AKNA: variants seen among roughly 807,000 people sequenced by gnomAD.
AKNA encodes AT-hook transcription factor.
AKNA carries 67 observed loss-of-function variants against 138.8 expected under a neutral mutation model. The ratio of observed to expected loss-of-function variants is 0.48; its 90% CI spans 0.40 to 0.59. The LOEUF is 0.59. Ranked by LOEUF, AKNA falls within the 20% of genes least tolerant of loss-of-function variation. The pLI is 0.00. For missense variants in AKNA, 1,813 were observed against 1,880.4 expected (o/e 0.96, Z 0.66); for synonymous variants, 737 against 754.4 (o/e 0.98, Z 0.38).
In AKNA at chr9:114,335,308, T is replaced by C. The variant is rs1829944145; in HGVS notation, c.*1746A>G. 1 of 152,256 alleles carries C rather than the reference T, an allele frequency of 6.6e-6. No individual in the cohort carries two copies. Among genetic ancestry groups the C allele is most frequent in the South Asian group, 2.1e-4 (1 of 4,832 alleles). The allele number at this position is 152,256 out of a possible 1,614,324, so 9.4% of individuals were successfully genotyped here. A position where few individuals can be genotyped will look rare whatever the true frequency, so the allele number is the denominator to read the frequency against. On this transcript the variant is annotated 3_prime_UTR_variant, in exon 22 of 22. Transcript: ENST00000374088. ...AATCCAGGTTCTCTCCCAAACCAGT[T>C]TGGGCAGATGGCCCATTGGAACCCC...
chr9:114,354,665 A>G (rs1057122829), intron 14 of AKNA, among the ~76,000 whole-genome samples: 1 of 146,706 alleles, frequency 6.8e-6, no homozygotes, highest in African/African-American at 2.5e-5. Context: ...GTGAGCCGAG[A>G]TTGTGCCACT....
intron 7 of AKNA, among the ~76,000 whole-genome samples, chr9:114,363,690 T>C (rs898654306): frequency 1.3e-5 from 2 of 152,186 alleles, no homozygotes; most frequent in Non-Finnish European, 2.9e-5. Context: ...GTCTACCTGC[T>C]GGCTTCTGGT....
chr9:114,369,117 CAAACT>C (rs1463591944), intron 4 of AKNA, among the ~76,000 whole-genome samples: 1 of 152,064 alleles, frequency 6.6e-6, no homozygotes, highest in Admixed American at 6.6e-5. Flanking sequence ...AGCAAGTAAA[CAAACT>C]AATCTGCCAT....
At chr9:114,331,618 C>T (rs774663595), downstream of AKNA, 6 of 1,613,932 alleles carry the variant, frequency 3.7e-6, 1 homozygote, top group African/African-American at 6.7e-5. Flanking sequence ...GACACCAAGA[C>T]CTTGATGTTT....
At position 114,335,384 on chromosome 9, in the gene AKNA, A is replaced by C. The variant is rs1167190137; in HGVS notation, c.*1670T>G. 6.6e-6 allele frequency: 1 copy of C among 152,308 alleles called. No homozygotes were observed. The highest frequency in any genetic ancestry group is 1.5e-5 in the Non-Finnish European group (1 of 68,102). 9.4% of individuals were successfully genotyped at this position (152,308 alleles called of 1,614,324 possible). On this transcript the variant is annotated 3_prime_UTR_variant, in exon 22 of 22. Coordinates refer to ENST00000374088, the MANE Select transcript of AKNA (RefSeq NM_001317950.2). Reference sequence around the variant, plus strand: ...CAGAGTGAGGGTCCTGAGGGTTAGCACATGGACTGTGTGAAGCAGACAATG... The same window carrying C: ...CAGAGTGAGGGTCCTGAGGGTTAGCCCATGGACTGTGTGAAGCAGACAATG...
intron 2 of AKNA, among the ~76,000 whole-genome samples, chr9:114,379,894 T>A (rs1833514144): frequency 6.6e-6 from 1 of 152,212 alleles, no homozygotes; most frequent in Admixed American, 6.5e-5. Flanking sequence ...CTCGCATCTG[T>A]AATCCCAGCA....
chr9:114,341,004 T>C (rs1564614589), intron 21 of AKNA, among the ~76,000 whole-genome samples: 1 of 152,160 alleles, frequency 6.6e-6, no homozygotes. Context: ...CAATAATGTA[T>C]GGATATTGCT....
Position 114,351,098 on chromosome 9 carries a change from G to C in AKNA, c.3059-77C>G. 5 of 1,447,006 alleles carry C rather than the reference G, an allele frequency of 3.5e-6. No homozygotes were observed. The South Asian group carries it at 6.1e-5, about 18-fold the overall frequency. 89.6% of individuals were successfully genotyped at this position (1,447,006 alleles called of 1,614,324 possible). A position where few individuals can be genotyped will look rare whatever the true frequency, so the allele number is the denominator to read the frequency against. On this transcript the variant is annotated intron_variant, in intron 14 of 21. Coordinates refer to ENST00000374088, the MANE Select transcript of AKNA (RefSeq NM_001317950.2). ...AAGCTCACACTTGTGCAGGTGGAAT[G>C]ATGGGGGAAGTGAAGAGACGGTGCC...
chr9:114,336,799 C>T lies in AKNA; in HGVS notation c.*255G>A, dbSNP rs1041147850. The T allele has an allele frequency of 4.5e-5, 19 of 419,564 alleles. No homozygotes were observed. The highest frequency in any genetic ancestry group is 7.5e-5 in the Non-Finnish European group (18 of 239,398). The allele number at this position is 419,564 out of a possible 1,614,324, so 26.0% of individuals were successfully genotyped here. On this transcript the variant is annotated 3_prime_UTR_variant, in exon 22 of 22. Transcript: ENST00000374088. ...GAGACTGCCTGAGGTTCTGCCTGGA[C>T]CGAAGGAGGCCTCGCTCACAGCACC...
chr9:114,392,546 C>A (rs1834385444), upstream of AKNA, among the ~76,000 whole-genome samples: 1 of 152,210 alleles, frequency 6.6e-6, no homozygotes, highest in African/African-American at 2.4e-5. Context: ...TTACTGGGTT[C>A]TTGGGATGAC....
chr9:114,360,186 C>T, intron 9 of AKNA, 124 bp from the exon 10 acceptor site: 2 of 1,139,646 alleles, frequency 1.8e-6, no homozygotes, highest in Non-Finnish European at 2.5e-6. Flanking sequence ...ACTCACTAAG[C>T]CCACCACCCT....
intron 4 of AKNA, among the ~76,000 whole-genome samples, chr9:114,370,162 G>A (rs1245401684): frequency 6.6e-6 from 1 of 152,222 alleles, no homozygotes; most frequent in East Asian, 1.9e-4. Flanking sequence ...GGCTGTAGCC[G>A]AAAAATCAAC....
At chr9:114,375,511 A>G (rs1833104945) in intron 3 of AKNA, among the ~76,000 whole-genome samples, 1 of 152,170 alleles carries the variant, frequency 6.6e-6, no homozygotes, top group Non-Finnish European at 1.5e-5. Flanking sequence ...TGCGGGTGTG[A>G]TATTTGTTCA....
chr9:114,368,088 A>G (rs1394469936), intron 5 of AKNA: 5 of 287,020 alleles, frequency 1.7e-5, no homozygotes. Flanking sequence ...AACAGTGCAC[A>G]CCTCAGCGGG....
At chr9:114,347,633 A>G in intron 16 of AKNA, 91 bp downstream of exon 16, 5 of 1,314,872 alleles carry the variant, frequency 3.8e-6, no homozygotes, top group Non-Finnish European at 5.1e-6. Context: ...GCAGTGCCTG[A>G]GTCCATATGT....
At chr9:114,384,230 A>G (rs1319612671) in intron 1 of AKNA, among the ~76,000 whole-genome samples, 1 of 152,314 alleles carries the variant, frequency 6.6e-6, no homozygotes, top group Non-Finnish European at 1.5e-5. Context: ...CTAATATATT[A>G]CATGTATTGG....
At chr9:114,398,156 AGGCCGGAG>A (rs956674256), upstream of AKNA, among the ~76,000 whole-genome samples, 3 of 151,288 alleles carry the variant, frequency 2.0e-5, no homozygotes, top group Non-Finnish European at 2.9e-5. This position sits in a 1 kb window ranked among gnomAD's most constrained non-coding sequence, Gnocchi z 4.2. Flanking sequence ...GTGGAGACTG[AGGCCGGAG>A]GGTGGAGACT....
In AKNA at chr9:114,377,465, C is replaced by A. The variant is rs777583887; in HGVS notation, c.342G>T (p.Gln114His). The A allele has an allele frequency of 6.2e-7, 1 of 1,613,380 alleles. No homozygotes were observed. The highest frequency in any genetic ancestry group is 8.5e-7 in the Non-Finnish European group (1 of 1,179,856). The part of the protein sequence containing the change: ...SHEPLAWLPQ[Q>H]GRQLDMTEEE... ...CTTCAGTCATGTCCAGCTGACGGCCCTGCTGGGGGAGCCAGGCAAGAGGCT... is the reference window on the plus strand; with the variant it reads ...CTTCAGTCATGTCCAGCTGACGGCCATGCTGGGGGAGCCAGGCAAGAGGCT... The change falls in exon 3 of 22, where the codon CAG (glutamine) becomes CAT (histidine). Residue 114 changes from glutamine (Q) to histidine (H), a missense_variant. By Grantham distance (24) the Gln-to-His change is conservative. Coordinates refer to ENST00000374088, the MANE Select transcript of AKNA (RefSeq NM_001317950.2).
At chr9:114,344,862 C>T (rs1362709924) in intron 18 of AKNA, 1 of 154,664 alleles carries the variant, frequency 6.5e-6, no homozygotes, top group Non-Finnish European at 1.5e-5. Flanking sequence ...TTTCTAACTC[C>T]TTGGCCTCTG....
Sources: gnomAD v4.1 joint callset for allele counts (sites outside exome capture counted in the v4.1 genomes callset) on GRCh38, gnomAD v4.1.1 for gene constraint, Gnocchi (gnomAD v3.1) non-coding constraint, MANE v1.5 for transcripts, NCBI Gene and HGNC (gene_info 2026-07-23, HGNC 2026-07-21) for gene names.